RORA: variants seen among roughly 807,000 people sequenced by gnomAD.
The protein encoded by RORA is RAR related orphan receptor A, also known as nuclear receptor ROR-alpha.
A neutral mutation model predicts 69.5 loss-of-function variants in RORA; 7 were observed. That is an observed-to-expected ratio of 0.10 (90% CI 0.06 to 0.19). The LOEUF (loss-of-function observed/expected upper bound fraction) is 0.19, where lower values mean the gene tolerates loss of function less well. Ranked by LOEUF, RORA falls within the 10% of genes least tolerant of loss-of-function variation. The pLI is 1.00. For missense variants in RORA, 457 were observed against 663.0 expected (o/e 0.69, Z 3.41); for synonymous variants, 261 against 240.8 (o/e 1.08, Z -0.78).
At chr15:60,859,322 T>C (rs1454537362) in intron 1 of RORA, among the ~76,000 whole-genome samples, 1 of 152,138 alleles carries the variant, frequency 6.6e-6, no homozygotes, top group Non-Finnish European at 1.5e-5. Flanking sequence ...CATGGCGCTT[T>C]GCACCTGGGG....
At chr15:60,892,447 G>A (rs1454657193) in intron 1 of RORA, among the ~76,000 whole-genome samples, 1 of 152,128 alleles carries the variant, frequency 6.6e-6, no homozygotes, top group African/African-American at 2.4e-5. Context: ...CCACTCACCT[G>A]AACCCGTGCC....
chr15:60,920,576 T>C (rs1345382267), intron 1 of RORA, among the ~76,000 whole-genome samples: 2 of 152,250 alleles, frequency 1.3e-5, no homozygotes, highest in Middle Eastern at 3.4e-3. Context: ...GGCACTAAGA[T>C]ATGACAGATG....
At chr15:60,685,600 A>G (rs966868686) in intron 1 of RORA, among the ~76,000 whole-genome samples, 1 of 152,234 alleles carries the variant, frequency 6.6e-6, no homozygotes, top group African/African-American at 2.4e-5. Flanking sequence ...ATGATGTTAC[A>G]AAACAATGTC....
chr15:60,967,619 C>G (rs1201449352), intron 1 of RORA, among the ~76,000 whole-genome samples: 1 of 152,212 alleles, frequency 6.6e-6, no homozygotes, highest in African/African-American at 2.4e-5. Context: ...AGGAAACAGA[C>G]TTTGGCATTT....
At chr15:60,630,041 C>T (rs1381680922) in intron 2 of RORA, among the ~76,000 whole-genome samples, 1 of 152,134 alleles carries the variant, frequency 6.6e-6, no homozygotes, top group Non-Finnish European at 1.5e-5. Context: ...TATGATTTGG[C>T]TATTGGGCTA....
intron 1 of RORA, among the ~76,000 whole-genome samples, chr15:60,766,324 G>A (rs1386096878): frequency 6.6e-6 from 1 of 152,050 alleles, no homozygotes; most frequent in African/African-American, 2.4e-5. Flanking sequence ...CTTAATAAGA[G>A]ATTCCAAAAT....
intron 1 of RORA, among the ~76,000 whole-genome samples, chr15:60,850,289 A>G (rs534046542): frequency 6.6e-6 from 1 of 152,300 alleles, no homozygotes; most frequent in South Asian, 2.1e-4. Context: ...TTCTCAAAGT[A>G]TACCTCCCTG....
At chr15:60,562,433 G>GT (rs907742465) in intron 2 of RORA, among the ~76,000 whole-genome samples, 12 of 148,032 alleles carry the variant, frequency 8.1e-5, no homozygotes, top group African/African-American at 2.0e-4. Flanking sequence ...GGCGGGGTTG[G>GT]GGGGGGGTTG....
At position 60,905,188 on chromosome 15, in the gene RORA, C is replaced by T. The variant is rs1891502015; in HGVS notation, c.167-226502G>A. Among the ~76,000 whole-genome samples, 1 of 152,100 alleles carries T rather than the reference C, an allele frequency of 6.6e-6. No homozygotes were observed. Among genetic ancestry groups the T allele is most frequent in the Non-Finnish European group, 1.5e-5 (1 of 68,016 alleles). ...CTTTTAATTGATATGCAGTCTTAGC[C>T]CTGTTATCATCTCTGATCTTGACCA... On this transcript the variant is annotated intron_variant, in intron 1 of 10. Transcript: ENST00000335670. The surrounding 1 kb of genome is among the most constrained non-coding windows in gnomAD (Gnocchi z 4.8).
chr15:60,777,789 C>T (rs11071559), intron 1 of RORA, among the ~76,000 whole-genome samples: 34,790 of 152,002 alleles, frequency 0.23, 5,094 homozygotes, highest in African/African-American at 0.42. Context: ...CTCGGCAGCA[C>T]AGGGAATGAG....
intron 1 of RORA, among the ~76,000 whole-genome samples, chr15:60,713,787 A>C (rs186475103): frequency 6.6e-6 from 1 of 152,182 alleles, no homozygotes; most frequent in African/African-American, 2.4e-5. Flanking sequence ...CCTGTCATCT[A>C]TGAAGGGCTC....
intron 1 of RORA, among the ~76,000 whole-genome samples, chr15:61,049,826 A>C (rs560427071): frequency 1.2e-4 from 18 of 151,994 alleles, no homozygotes; most frequent in African/African-American, 4.3e-4. Context: ...CACCCGGCTA[A>C]TTTTTCATAT....
Position 61,227,210 on chromosome 15 carries a change from CAAAA to C in RORA, c.166+1839_166+1842del, listed in dbSNP as rs35827262. Among the ~76,000 whole-genome samples, 8 of 124,068 alleles carry C rather than the reference CAAAA, an allele frequency of 6.4e-5. No individual in the cohort carries two copies. In the East Asian group the frequency reaches 7.1e-4, roughly 11 times the overall value. 81.4% of individuals were successfully genotyped at this position (124,068 alleles called of 152,430 possible). A position where few individuals can be genotyped will look rare whatever the true frequency, so the allele number is the denominator to read the frequency against. On this transcript the variant is annotated intron_variant, in intron 1 of 10. Transcript: ENST00000335670. ...CCTAAATACTATGTCCCCCCCATTCCAAAAAAAAAAAAAAAGCCCCAGAAACACA... is the reference window on the plus strand; with the variant it reads ...CCTAAATACTATGTCCCCCCCATTCCAAAAAAAAAAAGCCCCAGAAACACA...
chr15:61,176,606 G>A (rs1281239244), intron 1 of RORA: 1 of 152,102 alleles, frequency 6.6e-6, no homozygotes, highest in African/African-American at 2.4e-5. Flanking sequence ...GAGCCACCAT[G>A]CCTGGCTAAA....
At chr15:61,203,023 T>C (rs753831566) in intron 1 of RORA, among the ~76,000 whole-genome samples, 7 of 152,132 alleles carry the variant, frequency 4.6e-5, no homozygotes, top group Non-Finnish European at 8.8e-5. Context: ...TAACAGAAAT[T>C]AGTATACCTT....
chr15:60,947,442 T>C (rs1282532153), intron 1 of RORA, among the ~76,000 whole-genome samples: 2 of 151,986 alleles, frequency 1.3e-5, no homozygotes, highest in African/African-American at 2.4e-5. Context: ...CAGGGTTAAA[T>C]GGATTAAGGG....
At chr15:60,794,866 G>A (rs544010626) in intron 1 of RORA, among the ~76,000 whole-genome samples, 69 of 152,296 alleles carry the variant, frequency 4.5e-4, no homozygotes, top group Admixed American at 2.1e-3. Flanking sequence ...CACAAGCACC[G>A]TAGGCCTGGA....
chr15:61,058,148 G>A (rs775207931), intron 1 of RORA, among the ~76,000 whole-genome samples: 1 of 152,184 alleles, frequency 6.6e-6, no homozygotes, highest in Non-Finnish European at 1.5e-5. Flanking sequence ...AGGGGAGCAA[G>A]AGCAAAGGAG....
At chr15:60,543,735 G>T (rs1312140567) in intron 2 of RORA, among the ~76,000 whole-genome samples, 1 of 152,106 alleles carries the variant, frequency 6.6e-6, no homozygotes, top group Non-Finnish European at 1.5e-5. Flanking sequence ...AGCTGCCTTG[G>T]CCTCCCACAG....
Sources: allele counts gnomAD v4.1 joint callset (sites outside exome capture counted in the v4.1 genomes callset), GRCh38; gene constraint gnomAD v4.1.1; non-coding constraint Gnocchi (gnomAD v3.1); transcripts MANE v1.5; gene names NCBI Gene and HGNC (gene_info 2026-07-23, HGNC 2026-07-21).